Variants in PRUNE2 observed in about 807,000 individuals in gnomAD.
PRUNE2 encodes the protein protein prune homolog 2.
PRUNE2 carries 164 observed loss-of-function variants against 252.0 expected under a neutral mutation model. The observed-to-expected ratio is 0.65, with a 90% CI of 0.57 to 0.74. PRUNE2 has a LOEUF of 0.74. PRUNE2 is among the 30% of genes least tolerant of loss of function. The pLI, the probability that PRUNE2 is intolerant of heterozygous loss-of-function variation, is 0.00. For missense variants in PRUNE2, 3,495 were observed against 3,711.0 expected (o/e 0.94, Z 1.51); for synonymous variants, 1,292 against 1,350.2 (o/e 0.96, Z 0.94).
intron 1 of PRUNE2, among the ~76,000 whole-genome samples, chr9:76,891,880 T>C (rs2062496502): frequency 6.6e-6 from 1 of 152,116 alleles, no homozygotes; most frequent in African/African-American, 2.4e-5. Context: ...GTGACATAAA[T>C]ATAATAACAT....
At position 76,723,458 on chromosome 9, in the gene PRUNE2, C is replaced by T. The variant is rs111929702; in HGVS notation, c.757-9737G>A. On this transcript the variant is annotated intron_variant, in intron 6 of 18. Transcript: ENST00000376718. ...CAGAGAAACTAGAAATTAGAATTGC[C>T]AGAGGGGAGTAGAGAGGCTAAAGGG... 6.0e-3 allele frequency among the ~76,000 whole-genome samples: 908 copies of T among 152,224 alleles called. 10 individuals are homozygous for T. Among genetic ancestry groups the T allele is most frequent in the African/African-American group, 0.02 (849 of 41,534 alleles).
At chr9:76,734,849 A>G (rs1207954664) in intron 6 of PRUNE2, among the ~76,000 whole-genome samples, 5 of 152,176 alleles carry the variant, frequency 3.3e-5, no homozygotes. Flanking sequence ...AAGACTCCAT[A>G]GGGGTTTTTG....
At chr9:76,644,627 A>C (rs752489973) in intron 12 of PRUNE2, 112 bp downstream of exon 12, 1 of 960,796 alleles carries the variant, frequency 1.0e-6, no homozygotes, top group Non-Finnish European at 1.7e-6. Context: ...TATTGGCTCT[A>C]GAATAGGGTC....
At chr9:76,751,275 C>CAG (rs1026995217) in intron 6 of PRUNE2, among the ~76,000 whole-genome samples, 97 of 96,510 alleles carry the variant, frequency 1.0e-3, no homozygotes, top group Admixed American at 2.4e-3. Context: ...CACACACAGA[C>CAG]ACACACACAC....
chr9:76,717,351 T>C (rs1391407032), intron 6 of PRUNE2, among the ~76,000 whole-genome samples: 1 of 152,184 alleles, frequency 6.6e-6, no homozygotes, highest in Non-Finnish European at 1.5e-5. Context: ...GATAATTTAT[T>C]ATTGTCTTCT....
rs2058363918 is a variant in PRUNE2, at chr9:76,826,702, T to C, written c.539A>G (p.Glu180Gly). ...GSILFKWMTM[E>G]SEKISEKQEE... ...CTGCTTCTCTGAGATCTTCTCTGATTCCATGGTCATCCACTTGAAAAGAAT... is the reference window on the plus strand; with the variant it reads ...CTGCTTCTCTGAGATCTTCTCTGATCCCATGGTCATCCACTTGAAAAGAAT... Residue 180 changes from glutamate to glycine, a missense_variant, in exon 5 of 19, where the codon GAA becomes GGA. Transcript: ENST00000376718. 1.9e-6 allele frequency: 3 copies of C among 1,610,572 alleles called. No individual in the cohort carries two copies. Among genetic ancestry groups the C allele is most frequent in the Non-Finnish European group, 2.5e-6 (3 of 1,178,106 alleles).
At chr9:76,795,257 A>C (rs1217633070) in intron 6 of PRUNE2, among the ~76,000 whole-genome samples, 2 of 148,200 alleles carry the variant, frequency 1.3e-5, no homozygotes, top group Non-Finnish European at 3.0e-5. Context: ...TCTGCCTTCT[A>C]GATAATGCTA....
chr9:76,891,087 T>C (rs948632005), intron 1 of PRUNE2, among the ~76,000 whole-genome samples: 3 of 152,096 alleles, frequency 2.0e-5, no homozygotes, highest in African/African-American at 7.2e-5. Flanking sequence ...CTTCTTAGAG[T>C]TTTGAAAGAG....
intron 1 of PRUNE2, among the ~76,000 whole-genome samples, chr9:76,870,069 T>C (rs1176346557): frequency 2.0e-5 from 3 of 152,210 alleles, no homozygotes; most frequent in African/African-American, 7.2e-5. Flanking sequence ...GAATATTTTG[T>C]TGCTTTACTT....
chr9:76,720,510 C>T (rs2135227405), intron 6 of PRUNE2, among the ~76,000 whole-genome samples: 1 of 152,266 alleles, frequency 6.6e-6, no homozygotes, highest in African/African-American at 2.4e-5. Flanking sequence ...CCTCATAGGA[C>T]TGTTGTGAGA....
At chr9:76,697,977 GAGAGAGAAAGCA>G (rs961527611) in intron 9 of PRUNE2, among the ~76,000 whole-genome samples, 1 of 152,086 alleles carries the variant, frequency 6.6e-6, no homozygotes, top group Non-Finnish European at 1.5e-5. Flanking sequence ...GGGCATGACA[GAGAGAGAAAGCA>G]AGAGAGAAGA....
chr9:76,690,122 G>A (rs116492555), intron 9 of PRUNE2, among the ~76,000 whole-genome samples: 1,765 of 152,262 alleles, frequency 0.012, 28 homozygotes, highest in African/African-American at 0.039. Context: ...AATCCAGAAG[G>A]AGCCATGTTC....
At position 76,854,122 on chromosome 9, in the gene PRUNE2, A is replaced by G; in HGVS notation, c.123T>C (p.Tyr41=). ...CCCTCACCTTGTCTAGAAAGTAAGC[A>G]TATGTGAAGGTAGAAATGAGAGAAT... The part of the protein sequence containing the change: ...DLDSLISTFT[Y]AYFLDKVSPP... Residue 41 remains tyrosine, a synonymous_variant, in exon 2 of 19, where the codon TAT becomes TAC. Transcript: ENST00000376718. The G allele has an allele frequency of 6.3e-7, 1 of 1,586,508 alleles. No individual in the cohort carries two copies. Among genetic ancestry groups the G allele is most frequent in the Non-Finnish European group, 8.6e-7 (1 of 1,158,036 alleles).
At chr9:76,646,425 T>C (rs900608051) in intron 11 of PRUNE2, among the ~76,000 whole-genome samples, 1 of 152,186 alleles carries the variant, frequency 6.6e-6, no homozygotes, top group African/African-American at 2.4e-5. Context: ...CCTAGCCTTT[T>C]TTGCCAACAC....
intron 6 of PRUNE2, among the ~76,000 whole-genome samples, chr9:76,821,291 A>G (rs1451937560): frequency 6.6e-6 from 1 of 152,238 alleles, no homozygotes; most frequent in African/African-American, 2.4e-5. Flanking sequence ...GAGCAATTAT[A>G]TAACTGTTCC....
Position 76,856,943 on chromosome 9 carries a change from G to A in PRUNE2, c.37-2735C>T, listed in dbSNP as rs187645279. 2.5e-3 allele frequency: 957 copies of A among 383,236 alleles called. 6 individuals are homozygous for A. The highest frequency in any genetic ancestry group is 0.021 in the Middle Eastern group (55 of 2,650). 23.7% of individuals were successfully genotyped at this position (383,236 alleles called of 1,614,324 possible). ...TAATTTTTGTATTTTTAGTAGAGAC[G>A]GAGTTTCACCATGTTGGCCAGGCTG... On this transcript the variant is annotated intron_variant, in intron 1 of 18. Transcript: ENST00000376718.
intron 6 of PRUNE2, among the ~76,000 whole-genome samples, chr9:76,753,811 G>A (rs753947298): frequency 2.6e-5 from 4 of 151,924 alleles, no homozygotes; most frequent in African/African-American, 4.8e-5. Flanking sequence ...CCAGCTACTC[G>A]GGAGGCTGAG....
At chr9:76,680,000 A>G (rs186407889) in intron 9 of PRUNE2, among the ~76,000 whole-genome samples, 1 of 152,360 alleles carries the variant, frequency 6.6e-6, no homozygotes, top group African/African-American at 2.4e-5. Context: ...AAAAGAAAAA[A>G]TAGATGGGAC....
At chr9:76,725,674 T>C (rs1357654115) in intron 6 of PRUNE2, among the ~76,000 whole-genome samples, 5 of 152,216 alleles carry the variant, frequency 3.3e-5, no homozygotes, top group East Asian at 1.9e-4. Flanking sequence ...AATTGGCATA[T>C]ATAGGGTAAA....
Sources: allele counts gnomAD v4.1 joint callset (sites outside exome capture counted in the v4.1 genomes callset), GRCh38; gene constraint gnomAD v4.1.1; transcripts MANE v1.5; gene names NCBI Gene and HGNC (gene_info 2026-07-23, HGNC 2026-07-21).